ATAD3B: variants seen among roughly 807,000 people sequenced by gnomAD.
ATAD3B encodes the protein ATPase family AAA domain containing 3B, also known as ATPase family AAA domain-containing protein 3B.
In ATAD3B, 59 loss-of-function variants were observed where a neutral mutation model predicts 70.2. The observed-to-expected ratio is 0.84, with a 90% CI of 0.68 to 1.04. ATAD3B has a LOEUF of 1.04. Ranked by LOEUF, ATAD3B falls within the 50% of genes least tolerant of loss-of-function variation. The pLI, the probability that ATAD3B is intolerant of heterozygous loss-of-function variation, is 0.00. For missense variants in ATAD3B, 961 were observed against 913.4 expected, an observed-to-expected ratio of 1.05 and a Z score of -0.67; for synonymous variants, 423 against 388.6, an observed-to-expected ratio of 1.09 and a Z score of -1.04.
downstream of ATAD3B, among the ~76,000 whole-genome samples, chr1:1,498,899 C>T (rs557485854): frequency 1.3e-5 from 2 of 151,606 alleles, no homozygotes; most frequent in Non-Finnish European, 2.9e-5. Flanking sequence ...CAATGGCGAG[C>T]GCCTGGACAA....
the ATAD3B span, chr1:1,503,406 C>T: frequency 4.6e-6 from 3 of 652,826 alleles, no homozygotes; most frequent in East Asian, 8.8e-5. Context: ...AGGCCGTGTG[C>T]TGGGGATGGG....
intron 7 of ATAD3B, chr1:1,483,201 A>C (rs1640018153): frequency 2.8e-6 from 1 of 363,506 alleles, no homozygotes; most frequent in Admixed American, 3.5e-5. Context: ...AGGCTGAGGC[A>C]GGAGAATCAC....
the ATAD3B span, among the ~76,000 whole-genome samples, chr1:1,504,389 C>T: frequency 3.3e-5 from 5 of 152,028 alleles, no homozygotes; most frequent in East Asian, 9.8e-4. Flanking sequence ...GTGGCTCACA[C>T]CTGTAATCTC....
intron 13 of ATAD3B, 25 bp downstream of exon 13, chr1:1,489,299 G>GCC: frequency 6.2e-7 from 1 of 1,613,134 alleles, no homozygotes; most frequent in South Asian, 1.1e-5. Flanking sequence ...CGGGTCCTGA[G>GCC]CCCCCGGGCA....
intron 15 of ATAD3B, among the ~76,000 whole-genome samples, chr1:1,493,793 G>C (rs1209440742): frequency 6.6e-6 from 1 of 151,860 alleles, no homozygotes; most frequent in African/African-American, 2.4e-5. Context: ...AGGGTGTAGA[G>C]TCCTTTAACT....
At chr1:1,473,741 G>T (rs937185637) in intron 1 of ATAD3B, among the ~76,000 whole-genome samples, 1 of 151,966 alleles carries the variant, frequency 6.6e-6, no homozygotes, top group Non-Finnish European at 1.5e-5. Flanking sequence ...TGATCCACCC[G>T]CCTCGACCTC....
the ATAD3B span, among the ~76,000 whole-genome samples, chr1:1,506,020 G>A: frequency 6.6e-6 from 1 of 152,132 alleles, no homozygotes; most frequent in African/African-American, 2.4e-5. Flanking sequence ...AGCACCTGAG[G>A]TCAGGAGTTC....
chr1:1,486,812 C>T (rs1405344839), intron 11 of ATAD3B, 144 bp downstream of exon 11: 3 of 1,476,056 alleles, frequency 2.0e-6, no homozygotes, highest in South Asian at 1.4e-5. Context: ...AATGGAGGGT[C>T]CCTCGGAGGG....
In ATAD3B at chr1:1,496,638, G is replaced by C. The variant is rs1418763502; in HGVS notation, c.*821G>C. On this transcript the variant is annotated 3_prime_UTR_variant, in exon 16 of 16. Coordinates refer to ENST00000673477, the MANE Select transcript of ATAD3B (RefSeq NM_031921.6). ...CACTGGGAGACCACAGTCCTGGCAT[G>C]CCATGCAGCTCCCTGTCCCCAGAGG... is the stretch of plus-strand genomic sequence containing the variant. The C allele has an allele frequency of 6.6e-6, 1 of 151,858 alleles. No homozygotes were observed. The highest frequency in any genetic ancestry group is 2.4e-5 in the African/African-American group (1 of 41,182). 9.4% of individuals were successfully genotyped at this position (151,858 alleles called of 1,614,324 possible).
chr1:1,480,243 T>C lies in ATAD3B; in HGVS notation c.445-624T>C, dbSNP rs542764375. On this transcript the variant is annotated intron_variant, in intron 4 of 15. Coordinates refer to ENST00000673477, the MANE Select transcript of ATAD3B (RefSeq NM_031921.6). ...ATGGGCACACACACATTACTGCACG[T>C]GAGGGCATGCACACACACGCCCTGC... 4.0e-4 allele frequency among the ~76,000 whole-genome samples: 40 copies of C among 100,816 alleles called. 1 individual carries two copies. The South Asian group carries it at 7.6e-3, about 19-fold the overall frequency. The allele number at this position is 100,816 out of a possible 152,430, so 66.1% of individuals were successfully genotyped here.
At chr1:1,474,093 C>G (rs552653069) in intron 1 of ATAD3B, among the ~76,000 whole-genome samples, 3 of 152,204 alleles carry the variant, frequency 2.0e-5, no homozygotes, top group African/African-American at 7.2e-5. Context: ...CTTTGTCGCC[C>G]AGTCTGGCCT....
At chr1:1,487,235 A>G (rs1262336853) in intron 11 of ATAD3B, among the ~76,000 whole-genome samples, 1 of 151,912 alleles carries the variant, frequency 6.6e-6, no homozygotes, top group Non-Finnish European at 1.5e-5. Flanking sequence ...TCACGGCTGT[A>G]ATCCCAGACT....
intron 5 of ATAD3B, 140 bp downstream of exon 5, chr1:1,481,076 G>T: frequency 1.4e-6 from 2 of 1,467,944 alleles, no homozygotes; most frequent in Non-Finnish European, 1.8e-6. Context: ...GGCTCTGCGG[G>T]GTGGGGCTCC....
chr1:1,495,481 C>T lies in ATAD3B; in HGVS notation c.1615-4C>T. 1 of 1,597,522 alleles carries T rather than the reference C, an allele frequency of 6.3e-7. No homozygotes were observed. The highest frequency in any genetic ancestry group is 8.6e-7 in the Non-Finnish European group (1 of 1,169,014). On this transcript the variant is annotated splice_polypyrimidine_tract_variant and splice_region_variant and intron_variant, in intron 15 of 15. Transcript: ENST00000673477. Reference sequence around the variant, plus strand: ...CCTCCCTCAGCTCCCTCTCTCTTCACTAGGCCACGGCATATGCCTCCAAGG... The same window carrying T: ...CCTCCCTCAGCTCCCTCTCTCTTCATTAGGCCACGGCATATGCCTCCAAGG...
the ATAD3B span, among the ~76,000 whole-genome samples, chr1:1,505,009 T>C: frequency 6.6e-6 from 1 of 152,116 alleles, no homozygotes; most frequent in Non-Finnish European, 1.5e-5. Context: ...TCTCTTTGTG[T>C]GCAGAGACAA....
chr1:1,486,742 G>A (rs1167771460), intron 11 of ATAD3B, 74 bp downstream of exon 11: 1 of 1,482,386 alleles, frequency 6.7e-7, no homozygotes, highest in Non-Finnish European at 9.0e-7. Flanking sequence ...AGGGGGTCCA[G>A]GTGTCTCTTG....
chr1:1,509,311 G>A, the ATAD3B span: 5 of 1,612,300 alleles, frequency 3.1e-6, no homozygotes, highest in African/African-American at 2.7e-5. Context: ...TGGCTGAAGA[G>A]GGGGAGGCCT....
downstream of ATAD3B, among the ~76,000 whole-genome samples, chr1:1,499,252 T>A (rs1640888777): frequency 2.7e-5 from 4 of 149,976 alleles, no homozygotes; most frequent in Admixed American, 2.0e-4. Flanking sequence ...ATTACAGGCG[T>A]GAGCCAGTGC....
At chr1:1,492,561 C>T (rs1007098508) in intron 15 of ATAD3B, among the ~76,000 whole-genome samples, 6 of 151,082 alleles carry the variant, frequency 4.0e-5, no homozygotes, top group African/African-American at 1.2e-4. Context: ...TTTGGGAGGC[C>T]GAGGTGTTGG....
Sources: gnomAD v4.1 joint callset for allele counts (sites outside exome capture counted in the v4.1 genomes callset) on GRCh38, gnomAD v4.1.1 for gene constraint, MANE v1.5 for transcripts, NCBI Gene and HGNC (gene_info 2026-07-23, HGNC 2026-07-21) for gene names.